Variants in CFAP91 observed in about 807,000 individuals in gnomAD.
CFAP91 encodes the protein cilia and flagella associated protein 91.
In CFAP91, 85 loss-of-function variants were observed where a neutral mutation model predicts 95.9. That is an observed-to-expected ratio of 0.89 (90% CI 0.74 to 1.06). CFAP91 has a LOEUF of 1.06. Among genes scored for constraint, CFAP91 ranks in the 50% least tolerant of loss-of-function variants. The pLI is 0.00. For synonymous variants in CFAP91, 335 were observed against 327.5 expected (o/e 1.02, Z -0.25); for missense variants, 962 against 943.4 (o/e 1.02, Z -0.26).
intron 17 of CFAP91, among the ~76,000 whole-genome samples, chr3:119,758,184 T>C (rs2054469544): frequency 1.3e-5 from 2 of 152,136 alleles, no homozygotes; most frequent in South Asian, 2.1e-4. Context: ...AGGGCCAAGA[T>C]TGAGATTTTT....
chr3:119,757,473 GTC>G (rs1164122700), intron 17 of CFAP91, among the ~76,000 whole-genome samples: 1 of 151,872 alleles, frequency 6.6e-6, no homozygotes, highest in East Asian at 1.9e-4. Context: ...GTGAAGCCGT[GTC>G]TCTACCAAAA....
chr3:119,751,424 T>A (rs2054323748), intron 17 of CFAP91, among the ~76,000 whole-genome samples: 1 of 152,176 alleles, frequency 6.6e-6, no homozygotes, highest in Admixed American at 6.5e-5. Flanking sequence ...ATCTTGTTCT[T>A]ATGGAAGTAG....
At chr3:119,745,043 C>T (rs1454665015) in intron 14 of CFAP91, among the ~76,000 whole-genome samples, 1 of 152,134 alleles carries the variant, frequency 6.6e-6, no homozygotes, top group African/African-American at 2.4e-5. Context: ...AAGATACCTT[C>T]TAAATGGGAA....
At chr3:119,721,702 G>A (rs1040745848) in intron 6 of CFAP91, among the ~76,000 whole-genome samples, 8 of 152,162 alleles carry the variant, frequency 5.3e-5, no homozygotes, top group Admixed American at 6.5e-5. Context: ...GAGGAACACT[G>A]AGTCAGTGCA....
At chr3:119,708,252 G>A (rs540677545) in intron 3 of CFAP91, among the ~76,000 whole-genome samples, 10 of 135,944 alleles carry the variant, frequency 7.4e-5, no homozygotes, top group South Asian at 2.5e-4. Flanking sequence ...GTGACAGAGC[G>A]AGACTCTGTC....
chr3:119,713,135 T>A (rs563896215), intron 5 of CFAP91: 1 of 143,806 alleles, frequency 7.0e-6, no homozygotes, highest in Non-Finnish European at 1.5e-5. Flanking sequence ...TTATTTATTT[T>A]TTGAGATGGA....
At chr3:119,761,432 G>A (rs954296133) in intron 17 of CFAP91, among the ~76,000 whole-genome samples, 35 of 151,494 alleles carry the variant, frequency 2.3e-4, no homozygotes, top group African/African-American at 8.5e-4. Context: ...CCTACCAAAT[G>A]TTTAAATTTC....
In CFAP91 at chr3:119,740,670, G is replaced by A. The variant is rs768539821; in HGVS notation, c.1655G>A (p.Arg552Gln). 36 of 1,613,988 alleles carry A rather than the reference G, an allele frequency of 2.2e-5. No individual in the cohort carries two copies. Among genetic ancestry groups the A allele is most frequent in the Admixed American group, 5.0e-5 (3 of 59,990 alleles). Residue 552 changes from arginine to glutamine, a missense_variant, in exon 13 of 18, where the codon CGG becomes CAG. By Grantham distance (43) the Arg-to-Gln change is conservative (BLOSUM62 1). Transcript: ENST00000273390. ...AAGCAAGTGACCCTGGCCTTACAGC[G>A]GCAGAGGAACTTGCATGAGCACAAG... ...AEKQVTLALQ[R>Q]QRNLHEHKVS... is the part of the protein sequence containing the mutation.
chr3:119,726,286 G>A lies in CFAP91; in HGVS notation c.798G>A (p.Arg266=). The A allele has an allele frequency of 6.2e-7, 1 of 1,613,974 alleles. No individual in the cohort carries two copies. The highest frequency in any genetic ancestry group is 8.5e-7 in the Non-Finnish European group (1 of 1,179,948). The change falls in exon 7 of 18, where the codon AGG becomes AGA. Residue 266 remains arginine (R), a synonymous_variant. Coordinates refer to ENST00000273390, the MANE Select transcript of CFAP91 (RefSeq NM_033364.4). ...ALSDTSQFEK[R]RKMMNEMERK... ...GTGACACCTCCCAGTTTGAGAAGAG[G>A]AGGAAAATGATGAATGAAATGGAGA...
At chr3:119,748,811 A>T (rs1444696340) in intron 16 of CFAP91, among the ~76,000 whole-genome samples, 3 of 152,226 alleles carry the variant, frequency 2.0e-5, no homozygotes, top group African/African-American at 7.2e-5. Flanking sequence ...ACAGTGCTTC[A>T]ATCAATATAT....
At chr3:119,728,421 T>G (rs1378105137) in intron 7 of CFAP91, among the ~76,000 whole-genome samples, 1 of 152,124 alleles carries the variant, frequency 6.6e-6, no homozygotes, top group Non-Finnish European at 1.5e-5. Context: ...TTTGAGACTA[T>G]TGTTAGAGCA....
At chr3:119,710,430 TC>T (rs1276413838) in intron 5 of CFAP91, 1 of 152,922 alleles carries the variant, frequency 6.5e-6, no homozygotes, top group African/African-American at 2.4e-5. Context: ...ATGCTAGTTC[TC>T]TGTAATCCTT....
In CFAP91 at chr3:119,703,240, C is replaced by T; in HGVS notation, c.124+18C>T. On this transcript the variant is annotated intron_variant, in intron 1 of 17. Transcript: ENST00000273390. Reference sequence around the variant, plus strand: ...TCTGTACGGTAAGGACCGCCGCAGACCTTCCTCCGCGTCCGTCGCCTCCTA... The same window carrying T: ...TCTGTACGGTAAGGACCGCCGCAGATCTTCCTCCGCGTCCGTCGCCTCCTA... The T allele has an allele frequency of 6.2e-7, 1 of 1,610,374 alleles. No individual in the cohort carries two copies. Among genetic ancestry groups the T allele is most frequent in the Non-Finnish European group, 8.5e-7 (1 of 1,178,348 alleles).
At chr3:119,751,892 A>G (rs2054331929) in intron 17 of CFAP91, among the ~76,000 whole-genome samples, 1 of 152,182 alleles carries the variant, frequency 6.6e-6, no homozygotes, top group South Asian at 2.1e-4. Flanking sequence ...AAAAGTCAAC[A>G]TACTCACAGA....
intron 10 of CFAP91, among the ~76,000 whole-genome samples, chr3:119,735,052 A>T (rs553762045): frequency 6.6e-6 from 1 of 152,060 alleles, no homozygotes; most frequent in South Asian, 2.1e-4. Context: ...TGTTGATAGT[A>T]TTGTTTTATA....
intron 17 of CFAP91, among the ~76,000 whole-genome samples, chr3:119,761,178 A>G (rs1265652711): frequency 6.6e-6 from 1 of 151,830 alleles, no homozygotes; most frequent in African/African-American, 2.4e-5. Context: ...GAAGTGAAAG[A>G]GGAGACATTA....
At chr3:119,740,874 T>TGTGTGTGTGA in intron 13 of CFAP91, 179 bp downstream of exon 13, 2 of 698,186 alleles carry the variant, frequency 2.9e-6, no homozygotes, top group East Asian at 3.5e-5. Context: ...TGTGTGTGTG[T>TGTGTGTGTGA]GATGGAGTTT....
intron 5 of CFAP91, chr3:119,710,389 G>A (rs1038817943): frequency 1.9e-5 from 3 of 154,456 alleles, no homozygotes; most frequent in African/African-American, 4.8e-5. Flanking sequence ...GTGTCCTCAC[G>A]TGGAGGAAGG....
chr3:119,707,370 A>C lies in CFAP91; in HGVS notation c.202-34A>C, dbSNP rs556189078. 5.5e-6 allele frequency: 8 copies of C among 1,458,518 alleles called. No individual in the cohort carries two copies. The East Asian group carries it at 1.9e-4, about 34-fold the overall frequency. The allele number at this position is 1,458,518 out of a possible 1,614,324, so 90.3% of individuals were successfully genotyped here. A position where few individuals can be genotyped will look rare whatever the true frequency, so the allele number is the denominator to read the frequency against. ...AATGCTTTAGAAAAGCTGATGGTAT[A>C]ATTTTGTCCTTTGCCTCCCTTCTCT... On this transcript the variant is annotated intron_variant, in intron 2 of 17. Coordinates refer to ENST00000273390, the MANE Select transcript of CFAP91 (RefSeq NM_033364.4).
Sources: gnomAD v4.1 joint callset for allele counts (sites outside exome capture counted in the v4.1 genomes callset) on GRCh38, gnomAD v4.1.1 for gene constraint, MANE v1.5 for transcripts, NCBI Gene and HGNC (gene_info 2026-07-23, HGNC 2026-07-21) for gene names.